CLNK: variants seen among roughly 807,000 people sequenced by gnomAD.
CLNK encodes the protein cytokine-dependent hematopoietic cell linker.
Under a neutral mutation model 68.6 loss-of-function variants are expected in CLNK, and 74 were observed. The observed-to-expected ratio is 1.08, with a 90% CI of 0.89 to 1.31. CLNK has a LOEUF of 1.31. CLNK is among the 50% of genes most tolerant of loss of function. The pLI, the probability that CLNK is intolerant of heterozygous loss-of-function variation, is 0.00. For missense variants in CLNK, 553 were observed against 515.3 expected, an observed-to-expected ratio of 1.07 and a Z score of -0.71; for synonymous variants, 198 against 172.2, an observed-to-expected ratio of 1.15 and a Z score of -1.17.
chr4:10,622,225 T>G (rs995514305), intron 2 of CLNK, among the ~76,000 whole-genome samples: 8 of 152,200 alleles, frequency 5.3e-5, no homozygotes, highest in Non-Finnish European at 1.0e-4. Context: ...AACCAGGAGT[T>G]ATAATGATAT....
At chr4:10,634,321 C>G (rs184144629) in intron 2 of CLNK, among the ~76,000 whole-genome samples, 266 of 152,284 alleles carry the variant, frequency 1.7e-3, no homozygotes, top group Middle Eastern at 6.8e-3. Flanking sequence ...AGGTGTCCCC[C>G]ACGTTAGCAC....
chr4:10,498,896 A>G (rs989846507), intron 18 of CLNK, among the ~76,000 whole-genome samples: 2 of 152,196 alleles, frequency 1.3e-5, no homozygotes, highest in Non-Finnish European at 2.9e-5. Flanking sequence ...GCTGTAGCAA[A>G]TGGTGGTGTG....
At chr4:10,667,373 AT>A (rs57765419) in intron 2 of CLNK, among the ~76,000 whole-genome samples, 2,124 of 140,908 alleles carry the variant, frequency 0.015, 41 homozygotes, top group African/African-American at 0.047. Context: ...AGTCCTGCTA[AT>A]TTTTTTTTTT....
chr4:10,498,902 G>A (rs1020534068), intron 18 of CLNK, among the ~76,000 whole-genome samples: 1 of 152,196 alleles, frequency 6.6e-6, no homozygotes, highest in Admixed American at 6.5e-5. Context: ...GCAAATGGTG[G>A]TGTGGGATAT....
At position 10,513,591 on chromosome 4, in the gene CLNK, C is replaced by T; in HGVS notation, c.779G>A (p.Arg260Lys). 1 of 1,598,094 alleles carries T rather than the reference C, an allele frequency of 6.3e-7. No homozygotes were observed. Residue 260 changes from arginine (R) to lysine (K), a missense_variant, in exon 16 of 19, where the codon AGA becomes AAA. Transcript: ENST00000226951. ...AGGAGAACAGGGCTGCATGCCTCCT[C>T]TATGATCTGGAAAGGTTAAATTCAC... Reference protein sequence around the residue: ...SNHSVQNRDHRGGMQPCSPQR... With the variant: ...SNHSVQNRDHKGGMQPCSPQR...
At chr4:10,504,116 C>CTTTTTTTT (rs10660433) in intron 17 of CLNK, among the ~76,000 whole-genome samples, 20 of 67,320 alleles carry the variant, frequency 3.0e-4, no homozygotes, top group Admixed American at 5.2e-4. Context: ...TCTTTGGGTT[C>CTTTTTTTT]TTTTTTTTTT....
At chr4:10,684,350 C>A (rs114771011) in intron 1 of CLNK, among the ~76,000 whole-genome samples, 31 of 152,302 alleles carry the variant, frequency 2.0e-4, no homozygotes, top group African/African-American at 7.5e-4. Context: ...GCCAGGAAAG[C>A]CAGCCATGGG....
the CLNK span, among the ~76,000 whole-genome samples, chr4:10,722,895 C>G: frequency 6.6e-6 from 1 of 152,100 alleles, no homozygotes; most frequent in African/African-American, 2.4e-5. Flanking sequence ...ACTAAAAATA[C>G]AAAAATTAGG....
At chr4:10,522,479 C>T (rs568863271) in intron 14 of CLNK, among the ~76,000 whole-genome samples, 3 of 142,680 alleles carry the variant, frequency 2.1e-5, no homozygotes, top group South Asian at 4.5e-4. Context: ...GAGGCTGAGG[C>T]GGGAGAATTG....
At chr4:10,516,963 T>C (rs1371577142) in intron 15 of CLNK, among the ~76,000 whole-genome samples, 1 of 152,156 alleles carries the variant, frequency 6.6e-6, no homozygotes, top group Non-Finnish European at 1.5e-5. Flanking sequence ...ATTACCTTAA[T>C]TATGGTTAGT....
intron 4 of CLNK, among the ~76,000 whole-genome samples, chr4:10,577,159 G>A (rs1308329602): frequency 6.6e-6 from 1 of 152,172 alleles, no homozygotes; most frequent in Non-Finnish European, 1.5e-5. Flanking sequence ...AAGTCAGTTA[G>A]CAGGTTGCTT....
At chr4:10,622,815 G>A (rs1369077103) in intron 2 of CLNK, among the ~76,000 whole-genome samples, 11 of 152,188 alleles carry the variant, frequency 7.2e-5, no homozygotes, top group Admixed American at 4.6e-4. Flanking sequence ...GTGGCTGGAA[G>A]TCCAAGATCA....
At position 10,628,312 on chromosome 4, in the gene CLNK, G is replaced by GTT. The variant is rs367697543; in HGVS notation, c.12-30265_12-30264dup. On this transcript the variant is annotated intron_variant, in intron 2 of 18. Transcript: ENST00000226951. ...TTAAAAGGCTTGTTTAGTTAGACTT[G>GTT]TTTTTTTTTTTTCACTCTTTGCTGA... is the stretch of plus-strand genomic sequence containing the variant. Among the ~76,000 whole-genome samples, 881 of 146,642 alleles carry GTT rather than the reference G, an allele frequency of 6.0e-3. 2 individuals are homozygous for GTT. The highest frequency in any genetic ancestry group is 0.016 in the African/African-American group (653 of 39,732).
intron 2 of CLNK, among the ~76,000 whole-genome samples, chr4:10,665,892 G>A (rs1724378099): frequency 6.6e-6 from 1 of 152,164 alleles, no homozygotes; most frequent in African/African-American, 2.4e-5. Flanking sequence ...ATGTGACCCT[G>A]TTTGGGAAAA....
chr4:10,636,371 A>G (rs1018073588), intron 2 of CLNK, among the ~76,000 whole-genome samples: 1 of 152,162 alleles, frequency 6.6e-6, no homozygotes, highest in African/African-American at 2.4e-5. Flanking sequence ...AGAGGCAGAG[A>G]TTGGAGTGAT....
the CLNK span, among the ~76,000 whole-genome samples, chr4:10,705,669 A>G: frequency 6.6e-6 from 1 of 152,140 alleles, no homozygotes; most frequent in East Asian, 1.9e-4. Context: ...ATTGTATTGG[A>G]CTTGCTCAGA....
chr4:10,551,758 A>G (rs1162384117), intron 8 of CLNK, among the ~76,000 whole-genome samples: 1 of 152,150 alleles, frequency 6.6e-6, no homozygotes, highest in Non-Finnish European at 1.5e-5. Context: ...GAGGTACTAA[A>G]TATTATTGGT....
chr4:10,674,060 T>C (rs1724772347), intron 1 of CLNK, among the ~76,000 whole-genome samples: 1 of 152,192 alleles, frequency 6.6e-6, no homozygotes, highest in South Asian at 2.1e-4. Context: ...CAGTTTTGCT[T>C]GTGGAACCCG....
intron 2 of CLNK, among the ~76,000 whole-genome samples, chr4:10,624,315 G>GT (rs11431188): frequency 0.026 from 3,921 of 151,304 alleles, 179 homozygotes; most frequent in African/African-American, 0.081. Context: ...TAGTTTTTTG[G>GT]TTTTTTTTTG....
Sources: gnomAD v4.1 joint callset for allele counts (sites outside exome capture counted in the v4.1 genomes callset) on GRCh38, gnomAD v4.1.1 for gene constraint, MANE v1.5 for transcripts, NCBI Gene and HGNC (gene_info 2026-07-23, HGNC 2026-07-21) for gene names.